The following DOK5 variants were observed in gnomAD, a reference collection of about 807,000 sequenced individuals.
DOK5 encodes the protein downstream of tyrosine kinase 5.
Under a neutral mutation model 43.3 loss-of-function variants are expected in DOK5, and 27 were observed. That is an observed-to-expected ratio of 0.62 (90% CI 0.46 to 0.86). The LOEUF is 0.86. Among genes scored for constraint, DOK5 ranks in the 40% least tolerant of loss-of-function variants. The pLI, the probability that DOK5 is intolerant of heterozygous loss-of-function variation, is 0.00. For missense variants in DOK5, 373 were observed against 392.9 expected (o/e 0.95, Z 0.43); for synonymous variants, 146 against 140.1 (o/e 1.04, Z -0.30).
intron 1 of DOK5, among the ~76,000 whole-genome samples, chr20:54,517,101 G>A (rs936911649): frequency 1.3e-5 from 2 of 152,094 alleles, no homozygotes; most frequent in Non-Finnish European, 1.5e-5. Context: ...AATCCCTAAG[G>A]AATTAGCAGA....
At chr20:54,588,134 G>A (rs940760386) in intron 2 of DOK5, among the ~76,000 whole-genome samples, 1 of 152,034 alleles carries the variant, frequency 6.6e-6, no homozygotes, top group Non-Finnish European at 1.5e-5. Context: ...CACAGAGACC[G>A]AAACAGACAT....
intron 1 of DOK5, among the ~76,000 whole-genome samples, chr20:54,522,046 CA>C (rs1983417282): frequency 6.6e-6 from 1 of 152,136 alleles, no homozygotes; most frequent in Non-Finnish European, 1.5e-5. Context: ...TCTACAGAAA[CA>C]AGTCACTTTT....
At chr20:54,570,143 G>GT (rs1200242176) in intron 2 of DOK5, among the ~76,000 whole-genome samples, 1 of 152,060 alleles carries the variant, frequency 6.6e-6, no homozygotes, top group African/African-American at 2.4e-5. Context: ...TAAAAGTTTT[G>GT]TAACACATTA....
intron 2 of DOK5, among the ~76,000 whole-genome samples, chr20:54,582,284 T>G (rs373659162): frequency 1.3e-5 from 2 of 151,934 alleles, no homozygotes; most frequent in African/African-American, 4.8e-5. Context: ...GAAATTTGCA[T>G]GTATATTCAT....
chr20:54,631,238 C>T (rs1978552228), intron 6 of DOK5, among the ~76,000 whole-genome samples: 1 of 152,110 alleles, frequency 6.6e-6, no homozygotes, highest in South Asian at 2.1e-4. Flanking sequence ...CATGGCAAAA[C>T]TCCATCTCTA....
At chr20:54,608,938 G>C (rs181638845) in intron 5 of DOK5, among the ~76,000 whole-genome samples, 1 of 152,124 alleles carries the variant, frequency 6.6e-6, no homozygotes, top group Non-Finnish European at 1.5e-5. Context: ...GCCTCCCAAA[G>C]TGCTGGGATT....
At chr20:54,646,866 A>G (rs1979454645) in intron 7 of DOK5, among the ~76,000 whole-genome samples, 1 of 147,954 alleles carries the variant, frequency 6.8e-6, no homozygotes, top group Admixed American at 6.7e-5. Context: ...CCTCTGGCCA[A>G]TTCACCTACA....
At chr20:54,603,532 T>C (rs1986364309) in intron 5 of DOK5, among the ~76,000 whole-genome samples, 1 of 152,226 alleles carries the variant, frequency 6.6e-6, no homozygotes, top group Non-Finnish European at 1.5e-5. Flanking sequence ...GGTTCTCCCT[T>C]GTCCTCATTT....
chr20:54,600,831 G>A (rs1222279002), intron 5 of DOK5, among the ~76,000 whole-genome samples: 1 of 152,176 alleles, frequency 6.6e-6, no homozygotes, highest in African/African-American at 2.4e-5. Flanking sequence ...TACCTTGCAG[G>A]AGATCCTAGC....
chr20:54,585,048 TATTACTAA>T (rs1362273664), intron 2 of DOK5, among the ~76,000 whole-genome samples: 2 of 152,162 alleles, frequency 1.3e-5, no homozygotes, highest in Non-Finnish European at 2.9e-5. Flanking sequence ...TACTTTACTT[TATTACTAA>T]ATTACTAAAT....
chr20:54,589,741 T>TA (rs968389216), intron 4 of DOK5, among the ~76,000 whole-genome samples: 10 of 152,000 alleles, frequency 6.6e-5, no homozygotes, highest in Non-Finnish European at 8.8e-5. Context: ...CCAATGTTAG[T>TA]AAAAAAAATG....
At chr20:54,496,676 G>A (rs1046017228) in intron 1 of DOK5, among the ~76,000 whole-genome samples, 5 of 144,068 alleles carry the variant, frequency 3.5e-5, no homozygotes, top group Admixed American at 7.3e-5. Context: ...TGAGGCAGGA[G>A]AATGGCATGA....
intron 5 of DOK5, among the ~76,000 whole-genome samples, chr20:54,596,303 G>A (rs141389381): frequency 3.3e-5 from 5 of 152,296 alleles, no homozygotes; most frequent in East Asian, 3.9e-4. Context: ...CTCTCACATC[G>A]AGAAGTGAGC....
intron 1 of DOK5, among the ~76,000 whole-genome samples, chr20:54,485,523 T>C (rs1160362662): frequency 2.6e-5 from 4 of 152,184 alleles, no homozygotes; most frequent in Non-Finnish European, 5.9e-5. Context: ...GTATGTACAA[T>C]AGGTACCGTA....
chr20:54,592,183 T>A (rs1187444214), intron 5 of DOK5, among the ~76,000 whole-genome samples: 1 of 152,204 alleles, frequency 6.6e-6, no homozygotes, highest in East Asian at 1.9e-4. Context: ...ATTTCACATA[T>A]GTTTCCTCAT....
At chr20:54,594,309 T>C (rs2146773736) in intron 5 of DOK5, among the ~76,000 whole-genome samples, 1 of 152,286 alleles carries the variant, frequency 6.6e-6, no homozygotes, top group East Asian at 1.9e-4. Context: ...GGAGGATCAC[T>C]TGAGCCTGGG....
intron 1 of DOK5, among the ~76,000 whole-genome samples, chr20:54,521,057 C>T (rs1202584142): frequency 6.6e-6 from 1 of 152,014 alleles, no homozygotes; most frequent in Non-Finnish European, 1.5e-5. Context: ...CCTTACATCA[C>T]CTGGCCTTCT....
chr20:54,509,471 G>C (rs1165541376), intron 1 of DOK5, among the ~76,000 whole-genome samples: 2 of 152,210 alleles, frequency 1.3e-5, no homozygotes, highest in Non-Finnish European at 2.9e-5. Context: ...TGGGATTATA[G>C]ATCTAAGCCA....
At position 54,572,478 on chromosome 20, in the gene DOK5, T is replaced by A. The variant is rs574086620; in HGVS notation, c.175-16005T>A. ...CATCCGGCCGCAACATTCTTATATG[T>A]ACAATGGGAATACAATAGTGCCAGC... On this transcript the variant is annotated intron_variant, in intron 2 of 7. Coordinates refer to ENST00000262593, the MANE Select transcript of DOK5 (RefSeq NM_018431.5). 7.9e-5 allele frequency among the ~76,000 whole-genome samples: 12 copies of A among 152,036 alleles called. No individual in the cohort carries two copies. In the South Asian group the frequency reaches 2.5e-3, roughly 32 times the overall value.
Sources: gnomAD v4.1 joint callset for allele counts (sites outside exome capture counted in the v4.1 genomes callset) on GRCh38, gnomAD v4.1.1 for gene constraint, MANE v1.5 for transcripts, NCBI Gene and HGNC (gene_info 2026-07-23, HGNC 2026-07-21) for gene names.